PDE3A: variants seen among roughly 807,000 people sequenced by gnomAD.
The protein encoded by PDE3A is cGMP-inhibited 3',5'-cyclic phosphodiesterase 3A.
In PDE3A, 43 loss-of-function variants were observed where a neutral mutation model predicts 98.3. The ratio of observed to expected loss-of-function variants is 0.44; its 90% CI spans 0.34 to 0.56. The LOEUF (loss-of-function observed/expected upper bound fraction) is 0.56, where lower values mean the gene tolerates loss of function less well. Ranked by LOEUF, PDE3A falls within the 20% of genes least tolerant of loss-of-function variation. PDE3A has a pLI of 0.01. For synonymous variants in PDE3A, 663 were observed against 567.9 expected (o/e 1.17, Z -2.38); for missense variants, 1,427 against 1,440.7 (o/e 0.99, Z 0.15).
intron 1 of PDE3A, among the ~76,000 whole-genome samples, chr12:20,370,881 C>T (rs1943460661): frequency 6.6e-6 from 1 of 152,120 alleles, no homozygotes; most frequent in East Asian, 1.9e-4. Context: ...TTATTACATG[C>T]TAGTGTGTTT....
At chr12:20,453,606 G>C (rs11045256) in intron 1 of PDE3A, among the ~76,000 whole-genome samples, 1 of 151,882 alleles carries the variant, frequency 6.6e-6, no homozygotes, top group East Asian at 1.9e-4. Context: ...TTCAATTTTC[G>C]CTTAAAGGAG....
At chr12:20,660,023 T>C (rs1189292437) in intron 15 of PDE3A, among the ~76,000 whole-genome samples, 1 of 152,176 alleles carries the variant, frequency 6.6e-6, no homozygotes, top group African/African-American at 2.4e-5. Context: ...TCTTGAATTG[T>C]AGTTCCCATA....
intron 14 of PDE3A, among the ~76,000 whole-genome samples, chr12:20,650,962 A>T (rs1944901900): frequency 6.6e-6 from 1 of 152,150 alleles, no homozygotes; most frequent in African/African-American, 2.4e-5. Flanking sequence ...GGTAGTTTAA[A>T]TGTATATGCA....
At position 20,684,416 on chromosome 12, in the gene PDE3A, A is replaced by G. The variant is rs1945894886; in HGVS notation, c.*4145A>G. 1 of 152,210 alleles carries G rather than the reference A, an allele frequency of 6.6e-6. No individual in the cohort carries two copies. Among genetic ancestry groups the G allele is most frequent in the Admixed American group, 6.5e-5 (1 of 15,288 alleles). 9.4% of individuals were successfully genotyped at this position (152,210 alleles called of 1,614,324 possible). A position where few individuals can be genotyped will look rare whatever the true frequency, so the allele number is the denominator to read the frequency against. ...AAAACAAAGTTCTATGAACTTTCATAGTCTAGAAAAACCAACAAGATCCCC... is the reference window on the plus strand; with the variant it reads ...AAAACAAAGTTCTATGAACTTTCATGGTCTAGAAAAACCAACAAGATCCCC... On this transcript the variant is annotated 3_prime_UTR_variant, in exon 16 of 16. Transcript: ENST00000359062.
intron 2 of PDE3A, among the ~76,000 whole-genome samples, chr12:20,602,041 C>CTCTT (rs1265069329): frequency 2.0e-5 from 3 of 152,188 alleles, no homozygotes; most frequent in South Asian, 2.1e-4. Flanking sequence ...TTTTTTAAAA[C>CTCTT]TCTTTCTCAT....
chr12:20,427,227 C>A (rs1324258742), intron 1 of PDE3A, among the ~76,000 whole-genome samples: 2 of 152,094 alleles, frequency 1.3e-5, no homozygotes, highest in African/African-American at 4.8e-5. Context: ...TCAGAGAAAA[C>A]CATGGTGTTT....
intron 15 of PDE3A, among the ~76,000 whole-genome samples, chr12:20,673,710 AG>A (rs1247574866): frequency 7.8e-5 from 7 of 89,614 alleles, no homozygotes; most frequent in Non-Finnish European, 1.5e-4. Flanking sequence ...GGGTGGGGGG[AG>A]GGGGGAGGGA....
chr12:20,449,676 C>A, intron 1 of PDE3A: 3 of 426,138 alleles, frequency 7.0e-6, no homozygotes, highest in Non-Finnish European at 1.3e-5. Context: ...TCTCTGTAAA[C>A]TTCAGCATTC....
At chr12:20,520,533 T>A (rs1041895832) in intron 1 of PDE3A, among the ~76,000 whole-genome samples, 4 of 152,200 alleles carry the variant, frequency 2.6e-5, no homozygotes, top group Admixed American at 2.0e-4. Flanking sequence ...GGAAAATAAA[T>A]TATAAATATT....
chr12:20,496,337 C>T (rs1945918854), intron 1 of PDE3A, among the ~76,000 whole-genome samples: 1 of 152,086 alleles, frequency 6.6e-6, no homozygotes, highest in African/African-American at 2.4e-5. Flanking sequence ...GTGGACAAGC[C>T]CCCTTACACA....
chr12:20,369,942 G>A lies in PDE3A; in HGVS notation c.658G>A (p.Ala220Thr). Residue 220 changes from alanine to threonine, a missense_variant, in exon 1 of 16, where the codon GCG becomes ACG. Physicochemically the swap from Ala to Thr is moderately conservative, Grantham distance 58 (BLOSUM62 0). Coordinates refer to ENST00000359062, the MANE Select transcript of PDE3A (RefSeq NM_000921.5). ...LGVLMIALTS[A>T]VRTVSLISLE... Reference sequence around the variant, plus strand: ...CGTCCTCATGATCGCCTTGACTAGCGCGGTCAGGACCGTGTCCCTCATTTC... The same window carrying A: ...CGTCCTCATGATCGCCTTGACTAGCACGGTCAGGACCGTGTCCCTCATTTC... 1 of 1,613,472 alleles carries A rather than the reference G, an allele frequency of 6.2e-7. No individual in the cohort carries two copies.
At chr12:20,614,963 A>AAAAG (rs1943963179) in intron 3 of PDE3A, among the ~76,000 whole-genome samples, 1 of 151,320 alleles carries the variant, frequency 6.6e-6, no homozygotes, top group African/African-American at 2.4e-5. Context: ...AGTTATAGGA[A>AAAAG]AAAGACCTTC....
At position 20,552,651 on chromosome 12, in the gene PDE3A, C is replaced by T. The variant is rs925126625; in HGVS notation, c.961-4009C>T. The stretch of plus-strand genomic sequence containing the variant: ...CCAAGAAAACCAAGGTGGAGCCCTA[C>T]AGTCTCACGGCCCAGCAGAGCAGCC... On this transcript the variant is annotated intron_variant, in intron 1 of 15. Transcript: ENST00000359062. This position sits in a 1 kb window ranked among gnomAD's most constrained non-coding sequence, Gnocchi z 5.1. 1.2e-6 allele frequency: 2 copies of T among 1,613,800 alleles called. No homozygotes were observed. The highest frequency in any genetic ancestry group is 3.3e-5 in the Admixed American group (2 of 60,000).
At chr12:20,487,262 CTGAT>C (rs1174570418) in intron 1 of PDE3A, among the ~76,000 whole-genome samples, 4 of 151,768 alleles carry the variant, frequency 2.6e-5, no homozygotes, top group African/African-American at 4.8e-5. Context: ...TTCCATTTAA[CTGAT>C]TGATTAATGA....
intron 2 of PDE3A, among the ~76,000 whole-genome samples, chr12:20,582,148 A>G (rs551500198): frequency 1.8e-4 from 28 of 152,090 alleles, no homozygotes; most frequent in African/African-American, 6.7e-4. Context: ...AACTAAGGAA[A>G]TATCCTTTTG....
intron 1 of PDE3A, among the ~76,000 whole-genome samples, chr12:20,430,780 A>G (rs1221833831): frequency 2.0e-5 from 3 of 152,186 alleles, no homozygotes; most frequent in African/African-American, 7.2e-5. Context: ...TTTAGTGTAT[A>G]TAAACACAAT....
intron 1 of PDE3A, among the ~76,000 whole-genome samples, chr12:20,459,743 C>T (rs56392934): frequency 0.19 from 29,207 of 151,936 alleles, 2,960 homozygotes; most frequent in Admixed American, 0.28. Flanking sequence ...TGAGTTATAA[C>T]GGTTTTATTG....
intron 2 of PDE3A, among the ~76,000 whole-genome samples, chr12:20,567,198 C>T (rs895190898): frequency 1.3e-5 from 2 of 151,868 alleles, no homozygotes; most frequent in African/African-American, 4.8e-5. Context: ...TAAATGAAAA[C>T]ATTATAATTT....
chr12:20,522,755 C>T (rs921890367), intron 1 of PDE3A, among the ~76,000 whole-genome samples: 1 of 151,922 alleles, frequency 6.6e-6, no homozygotes, highest in African/African-American at 2.4e-5. Flanking sequence ...TTGATGGTAC[C>T]TACTGATCTC....
Sources: allele counts gnomAD v4.1 joint callset (sites outside exome capture counted in the v4.1 genomes callset), GRCh38; gene constraint gnomAD v4.1.1; non-coding constraint Gnocchi (gnomAD v3.1); transcripts MANE v1.5; gene names NCBI Gene and HGNC (gene_info 2026-07-23, HGNC 2026-07-21).